HECW2: variants seen among roughly 807,000 people sequenced by gnomAD.
HECW2 encodes the protein E3 ubiquitin-protein ligase HECW2.
HECW2 carries 61 observed loss-of-function variants against 175.2 expected under a neutral mutation model. The ratio of observed to expected loss-of-function variants is 0.35; its 90% CI spans 0.28 to 0.43. HECW2 has a LOEUF of 0.43. HECW2 is among the 20% of genes least tolerant of loss of function. The pLI is 1.00. For missense variants in HECW2, 1,524 were observed against 2,000.5 expected, an observed-to-expected ratio of 0.76 and a Z score of 4.54; for synonymous variants, 671 against 731.0, an observed-to-expected ratio of 0.92 and a Z score of 1.32.
intron 21 of HECW2, among the ~76,000 whole-genome samples, chr2:196,238,307 C>T (rs958094772): frequency 3.9e-5 from 6 of 152,156 alleles, no homozygotes; most frequent in Non-Finnish European, 7.4e-5. Flanking sequence ...ATTTGGGTCG[C>T]TCTTCCCTTT....
At chr2:196,348,049 A>G (rs990143259) in intron 2 of HECW2, among the ~76,000 whole-genome samples, 2 of 152,266 alleles carry the variant, frequency 1.3e-5, no homozygotes, top group African/African-American at 4.8e-5. Flanking sequence ...GCCTTGGCAC[A>G]TCATGCTAAG....
At chr2:196,449,687 CACT>C (rs1427954737) in intron 1 of HECW2, among the ~76,000 whole-genome samples, 1 of 152,112 alleles carries the variant, frequency 6.6e-6, no homozygotes, top group Non-Finnish European at 1.5e-5. Context: ...AAGAATGCTG[CACT>C]ACTAAAATGT....
chr2:196,226,395 A>G lies in HECW2; in HGVS notation c.3918-525T>C, dbSNP rs574670136. On this transcript the variant is annotated intron_variant, in intron 22 of 28. Coordinates refer to ENST00000644978, the MANE Select transcript of HECW2 (RefSeq NM_001348768.2). The stretch of plus-strand genomic sequence containing the variant: ...GCCTGCAGAATCATGAGCCAATTAA[A>G]CTTCTTTTCTTTATAAATTACCAGT... Among the ~76,000 whole-genome samples the G allele has an allele frequency of 3.0e-4, 45 of 151,900 alleles. 1 individual carries two copies. In the South Asian group the frequency reaches 6.3e-3, roughly 21 times the overall value.
intron 14 of HECW2, among the ~76,000 whole-genome samples, chr2:196,287,510 A>G (rs964307003): frequency 6.6e-6 from 1 of 152,230 alleles, no homozygotes. Flanking sequence ...GCAGGGGGAA[A>G]TAGTCCGTAT....
intron 1 of HECW2, among the ~76,000 whole-genome samples, chr2:196,433,732 T>C (rs887599247): frequency 6.6e-6 from 1 of 152,156 alleles, no homozygotes; most frequent in African/African-American, 2.4e-5. Flanking sequence ...AGGAGAGGAT[T>C]TCCTTGCCAT....
chr2:196,400,784 T>G (rs1204331838), intron 2 of HECW2, among the ~76,000 whole-genome samples: 1 of 148,900 alleles, frequency 6.7e-6, no homozygotes, highest in Non-Finnish European at 1.5e-5. Flanking sequence ...TGCCCTCTCC[T>G]CTCTCTGAGC....
chr2:196,241,574 AG>A (rs1688456854), intron 20 of HECW2, among the ~76,000 whole-genome samples: 1 of 152,212 alleles, frequency 6.6e-6, no homozygotes, highest in African/African-American at 2.4e-5. Flanking sequence ...AAACAATTCT[AG>A]GCCAAACAAC....
intron 2 of HECW2, among the ~76,000 whole-genome samples, chr2:196,372,759 C>T (rs2105905391): frequency 6.6e-6 from 1 of 152,182 alleles, no homozygotes; most frequent in South Asian, 2.1e-4. Context: ...ATTTGCTTAA[C>T]ATTTTTTTTA....
rs181099880 is a variant in HECW2 at position 196,393,547 on chromosome 2, G to A, written c.292+39585C>T. Among the ~76,000 whole-genome samples the A allele has an allele frequency of 6.3e-3, 960 of 152,260 alleles. 19 individuals carry two copies. Among genetic ancestry groups the A allele is most frequent in the African/African-American group, 0.022 (923 of 41,552 alleles). ...ACATTTATGAAGCCAACAGACACAC[G>A]AAAAAATGCTCATCATCACTGGCCA... On this transcript the variant is annotated intron_variant, in intron 2 of 28. Coordinates refer to ENST00000644978, the MANE Select transcript of HECW2 (RefSeq NM_001348768.2).
chr2:196,529,941 T>C (rs756350820), intron 1 of HECW2, among the ~76,000 whole-genome samples: 10 of 152,228 alleles, frequency 6.6e-5, no homozygotes, highest in Non-Finnish European at 1.5e-5. Context: ...CTCCTACTTG[T>C]TTTATTTGGC....
chr2:196,538,931 G>GA (rs1480108532), intron 1 of HECW2, among the ~76,000 whole-genome samples: 3 of 152,064 alleles, frequency 2.0e-5, no homozygotes, highest in Non-Finnish European at 2.9e-5. Flanking sequence ...TTTGAAAGTG[G>GA]AAAAAATAAA....
Position 196,319,409 on chromosome 2 carries a change from G to A in HECW2, c.1481C>T (p.Ala494Val), listed in dbSNP as rs1370362764. The A allele has an allele frequency of 6.2e-7, 1 of 1,614,018 alleles. No individual in the cohort carries two copies. Among genetic ancestry groups the A allele is most frequent in the Non-Finnish European group, 8.5e-7 (1 of 1,179,946 alleles). The change falls in exon 9 of 29, where the codon GCA becomes GTA. Residue 494 changes from alanine (A) to valine (V), a missense_variant. By Grantham distance (64) the Ala-to-Val change is moderately conservative (BLOSUM62 0). This residue lies in a region of HECW2 where 604 missense variants were observed against 588.3 expected (regional missense o/e 1.03). Transcript: ENST00000644978. ...CAGGCTTCCATCATCAGCTCTGGATGCCCTGCTAAACATGATCAGGCCTCC... is the reference window on the plus strand; with the variant it reads ...CAGGCTTCCATCATCAGCTCTGGATACCCTGCTAAACATGATCAGGCCTCC... ...EEGGLIMFSR[A>V]SRADDGSLTS...
At chr2:196,265,389 G>A (rs1235556988) in intron 17 of HECW2, among the ~76,000 whole-genome samples, 1 of 152,138 alleles carries the variant, frequency 6.6e-6, no homozygotes. Context: ...GGAGGCTGAG[G>A]TACAAGAATT....
intron 28 of HECW2, among the ~76,000 whole-genome samples, chr2:196,201,726 A>AT (rs149711963): frequency 0.014 from 2,168 of 150,298 alleles, 49 homozygotes; most frequent in African/African-American, 0.049. Flanking sequence ...TTGATGCTAG[A>AT]TTTTTTTTTT....
At chr2:196,237,605 T>C (rs1252307437) in intron 21 of HECW2, among the ~76,000 whole-genome samples, 6 of 152,344 alleles carry the variant, frequency 3.9e-5, no homozygotes, top group Admixed American at 3.3e-4. Flanking sequence ...GATGGACTTT[T>C]GGGCTGGTTC....
intron 19 of HECW2, among the ~76,000 whole-genome samples, chr2:196,248,641 C>T (rs13405282): frequency 1.7e-5 from 2 of 119,290 alleles, no homozygotes; most frequent in African/African-American, 7.9e-5. Flanking sequence ...CAGAGAGAGA[C>T]AGAGAGGAAT....
intron 1 of HECW2, among the ~76,000 whole-genome samples, chr2:196,588,556 G>A (rs1483207137): frequency 3.9e-5 from 6 of 152,168 alleles, no homozygotes; most frequent in Admixed American, 3.9e-4. Context: ...ATAAGGAAGG[G>A]CATAAATTTC....
At chr2:196,317,396 G>A in intron 9 of HECW2, 27 bp from the exon 10 acceptor site, 1 of 1,523,120 alleles carries the variant, frequency 6.6e-7, no homozygotes, top group South Asian at 1.2e-5. Context: ...AAAGTTACCA[G>A]GTATTGTTTT....
chr2:196,551,697 T>C (rs1689607253), intron 1 of HECW2, among the ~76,000 whole-genome samples: 1 of 152,220 alleles, frequency 6.6e-6, no homozygotes, highest in Admixed American at 6.5e-5. Context: ...GTTTAAATGG[T>C]AAACATGACT....
Sources: allele counts gnomAD v4.1 joint callset (sites outside exome capture counted in the v4.1 genomes callset), GRCh38; gene constraint gnomAD v4.1.1; regional missense constraint gnomAD v4.1.1; transcripts MANE v1.5; gene names NCBI Gene and HGNC (gene_info 2026-07-23, HGNC 2026-07-21).